MDFIC: variants seen among roughly 807,000 people sequenced by gnomAD.
The protein encoded by MDFIC is MyoD family inhibitor domain containing, also known as myoD family inhibitor domain-containing protein.
In MDFIC, 17 loss-of-function variants were observed where a neutral mutation model predicts 23.2. The ratio of observed to expected loss-of-function variants is 0.73; its 90% confidence interval spans 0.50 to 1.10. The LOEUF (loss-of-function observed/expected upper bound fraction) is 1.10, where lower values mean the gene tolerates loss of function less well. Ranked by LOEUF, MDFIC falls within the 50% of genes least tolerant of loss-of-function variation. The pLI is 0.00. For missense variants in MDFIC, 356 were observed against 316.6 expected (o/e 1.12, Z -0.95); for synonymous variants, 120 against 115.2 (o/e 1.04, Z -0.27).
At chr7:114,964,968 G>T (rs1046342607) in intron 3 of MDFIC, among the ~76,000 whole-genome samples, 2 of 152,182 alleles carry the variant, frequency 1.3e-5, no homozygotes, top group African/African-American at 4.8e-5. Context: ...ATGAATGAAG[G>T]AGTGGAATGT....
At chr7:115,000,219 A>G (rs1417323828) in intron 4 of MDFIC, among the ~76,000 whole-genome samples, 1 of 152,226 alleles carries the variant, frequency 6.6e-6, no homozygotes, top group South Asian at 2.1e-4. Context: ...GCAGGTACCT[A>G]CAGTACTCAG....
At chr7:115,000,874 CAG>C (rs1791452454) in intron 4 of MDFIC, among the ~76,000 whole-genome samples, 1 of 152,116 alleles carries the variant, frequency 6.6e-6, no homozygotes, top group Non-Finnish European at 1.5e-5. Flanking sequence ...CAGGAGAAAA[CAG>C]AGGAAGTGCT....
intron 3 of MDFIC, among the ~76,000 whole-genome samples, chr7:114,952,044 C>T (rs1334636796): frequency 6.6e-6 from 1 of 152,182 alleles, no homozygotes; most frequent in Admixed American, 6.5e-5. Flanking sequence ...CTGGGCCTGG[C>T]TGCAAGCATT....
Position 114,922,446 on chromosome 7 carries a change from C to G in MDFIC, c.-298C>G. On this transcript the variant is annotated 5_prime_UTR_variant, in exon 1 of 5. Transcript: ENST00000393486. ...GCGGAGTCAGAGCCGCCACCGCTGCCGCAGTTGCCGCCACTGCGGCGTCTG... is the reference window on the plus strand; with the variant it reads ...GCGGAGTCAGAGCCGCCACCGCTGCGGCAGTTGCCGCCACTGCGGCGTCTG... The G allele has an allele frequency of 8.0e-7, 1 of 1,243,924 alleles. No individual in the cohort carries two copies. Among genetic ancestry groups the G allele is most frequent in the Non-Finnish European group, 1.0e-6 (1 of 989,010 alleles). The allele number at this position is 1,243,924 out of a possible 1,614,324, so 77.1% of individuals were successfully genotyped here. A position where few individuals can be genotyped will look rare whatever the true frequency, so the allele number is the denominator to read the frequency against.
At position 115,016,661 on chromosome 7, in the gene MDFIC, T is replaced by TAAATAAAC. The variant is rs1791800512; in HGVS notation, c.*733_*734insCAAATAAA. The TAAATAAAC allele has an allele frequency of 6.4e-6, 1 of 155,352 alleles. No homozygotes were observed. Among genetic ancestry groups the TAAATAAAC allele is most frequent in the Non-Finnish European group, 1.4e-5 (1 of 72,202 alleles). 9.6% of individuals were successfully genotyped at this position (155,352 alleles called of 1,614,324 possible). ...CTCCATCTCTAAATAAATAAATAAA[T>TAAATAAAC]AAATAAATAAATAAATAAATAAATA... On this transcript the variant is annotated 3_prime_UTR_variant, in exon 5 of 5. Transcript: ENST00000393486.
intron 2 of MDFIC, among the ~76,000 whole-genome samples, chr7:114,930,998 A>G (rs967899378): frequency 1.3e-5 from 2 of 152,200 alleles, no homozygotes; most frequent in African/African-American, 4.8e-5. Context: ...TTCTGTCTTA[A>G]TCAGTGCTAT....
intron 4 of MDFIC, among the ~76,000 whole-genome samples, chr7:114,990,347 AT>A (rs1164767871): frequency 6.6e-6 from 1 of 151,562 alleles, no homozygotes; most frequent in African/African-American, 2.4e-5. Flanking sequence ...GCACTGTGTT[AT>A]TCTTTTTTTT....
intron 2 of MDFIC, among the ~76,000 whole-genome samples, chr7:114,936,237 A>G (rs540070592): frequency 2.6e-5 from 4 of 152,282 alleles, no homozygotes; most frequent in Non-Finnish European, 4.4e-5. Flanking sequence ...CAGAGACACT[A>G]ATGAGAATCA....
At position 114,951,979 on chromosome 7, in the gene MDFIC, G is replaced by C. The variant is rs139511086; in HGVS notation, c.217+9582G>C. Among the ~76,000 whole-genome samples the C allele has an allele frequency of 1.6e-3, 242 of 152,280 alleles. 1 individual carries two copies. Among genetic ancestry groups the C allele is most frequent in the African/African-American group, 5.5e-3 (229 of 41,566 alleles). On this transcript the variant is annotated intron_variant, in intron 3 of 4. Transcript: ENST00000393486. Reference sequence around the variant, plus strand: ...ACAGCAAAGCATTAAGCCAGGCACGGGGGTCCTTCTAAGTGCTGGGCTTGC... The same window carrying C: ...ACAGCAAAGCATTAAGCCAGGCACGCGGGTCCTTCTAAGTGCTGGGCTTGC...
chr7:114,931,868 G>C (rs1297131478), intron 2 of MDFIC, among the ~76,000 whole-genome samples: 1 of 152,190 alleles, frequency 6.6e-6, no homozygotes, highest in African/African-American at 2.4e-5. Flanking sequence ...TCGAGCAGGT[G>C]ACAGGCTCTC....
chr7:114,982,961 A>T (rs1793443720), intron 4 of MDFIC, among the ~76,000 whole-genome samples: 1 of 152,180 alleles, frequency 6.6e-6, no homozygotes, highest in Non-Finnish European at 1.5e-5. Context: ...CCTTAATCTC[A>T]TTAATTAGGG....
intron 3 of MDFIC, among the ~76,000 whole-genome samples, chr7:114,951,332 C>A (rs2115812077): frequency 6.6e-6 from 1 of 150,832 alleles, no homozygotes; most frequent in East Asian, 2.0e-4. Context: ...AGGTGAGGTC[C>A]CTGAAATGAA....
chr7:114,923,502 C>A lies in MDFIC; in HGVS notation c.94+375C>A, dbSNP rs372784730. 8.5e-6 allele frequency: 13 copies of A among 1,537,798 alleles called. No individual in the cohort carries two copies. The African/African-American group carries it at 1.2e-4, about 15-fold the overall frequency. On this transcript the variant is annotated intron_variant, in intron 2 of 4. Coordinates refer to ENST00000393486, the MANE Select transcript of MDFIC (RefSeq NM_001166345.3). Reference sequence around the variant, plus strand: ...GGACTGCCGCAGCTCTCTGAACAAGCGTGCACTTACTCCATTTCATCTTTC... The same window carrying A: ...GGACTGCCGCAGCTCTCTGAACAAGAGTGCACTTACTCCATTTCATCTTTC...
intron 4 of MDFIC, among the ~76,000 whole-genome samples, chr7:115,011,967 C>A (rs967767297): frequency 6.6e-6 from 1 of 152,226 alleles, no homozygotes; most frequent in Non-Finnish European, 1.5e-5. Context: ...CTTATTAACA[C>A]CTCTTCTTCT....
At chr7:114,955,426 A>C (rs1333383431) in intron 3 of MDFIC, among the ~76,000 whole-genome samples, 1 of 152,118 alleles carries the variant, frequency 6.6e-6, no homozygotes, top group Non-Finnish European at 1.5e-5. Context: ...TTTCTGCCTC[A>C]TCTGGGACTG....
At chr7:114,922,872 G>T in intron 1 of MDFIC, 55 bp from the exon 2 acceptor site, 2 of 1,518,040 alleles carry the variant, frequency 1.3e-6, no homozygotes, top group African/African-American at 1.4e-5. Context: ...CGCAGGGGTG[G>T]TGTGCTCTTC....
chr7:115,003,017 C>G (rs942694168), intron 4 of MDFIC, among the ~76,000 whole-genome samples: 7 of 152,190 alleles, frequency 4.6e-5, no homozygotes, highest in African/African-American at 1.7e-4. Context: ...AGTCACTCCT[C>G]ACGTCACTGC....
chr7:114,956,013 C>A (rs939003754), intron 3 of MDFIC, among the ~76,000 whole-genome samples: 11 of 152,060 alleles, frequency 7.2e-5, no homozygotes, highest in African/African-American at 2.7e-4. Flanking sequence ...ACACCCTTAA[C>A]CCTAGAGTGA....
chr7:115,000,555 T>G (rs1791442966), intron 4 of MDFIC, among the ~76,000 whole-genome samples: 1 of 152,232 alleles, frequency 6.6e-6, no homozygotes, highest in Non-Finnish European at 1.5e-5. Context: ...GTAACATACA[T>G]GTTTTATAAA....
Sources: allele counts gnomAD v4.1 joint callset (sites outside exome capture counted in the v4.1 genomes callset), GRCh38; gene constraint gnomAD v4.1.1; transcripts MANE v1.5; gene names NCBI Gene and HGNC (gene_info 2026-07-23, HGNC 2026-07-21).